Variants in MEIS2 observed in about 807,000 individuals in gnomAD.
The protein encoded by MEIS2 is homeobox protein Meis2.
In MEIS2, 9 loss-of-function variants were observed where a neutral mutation model predicts 58.6. That is an observed-to-expected ratio of 0.15 (90% CI 0.09 to 0.27). The LOEUF is 0.27. Ranked by LOEUF, MEIS2 falls within the 10% of genes least tolerant of loss-of-function variation. The probability of loss-of-function intolerance (pLI) is 1.00; values close to 1 mark genes in which losing one functional copy is unlikely to be tolerated. For missense variants in MEIS2, 427 were observed against 635.0 expected (o/e 0.67, Z 3.52); for synonymous variants, 221 against 228.4 (o/e 0.97, Z 0.29).
intron 9 of MEIS2, among the ~76,000 whole-genome samples, chr15:36,933,998 GT>G (rs2058073792): frequency 6.6e-6 from 1 of 151,944 alleles, no homozygotes; most frequent in Admixed American, 6.6e-5. Flanking sequence ...TAAAATATTT[GT>G]CAGCTATGCA....
At chr15:36,934,947 T>C (rs2058107617) in intron 9 of MEIS2, among the ~76,000 whole-genome samples, 1 of 152,184 alleles carries the variant, frequency 6.6e-6, no homozygotes, top group Non-Finnish European at 1.5e-5. Flanking sequence ...TCCTATTATA[T>C]AGTGTTCTAG....
chr15:36,930,298 G>A (rs1258063091), intron 9 of MEIS2, among the ~76,000 whole-genome samples: 2 of 151,134 alleles, frequency 1.3e-5, no homozygotes, highest in African/African-American at 4.9e-5. Flanking sequence ...ACAAGGAATG[G>A]TTATATAAAA....
At position 36,894,705 on chromosome 15, in the gene MEIS2, G is replaced by A. The variant is rs1241472873; in HGVS notation, c.1147+446C>T. On this transcript the variant is annotated intron_variant, in intron 11 of 11. Coordinates refer to ENST00000561208, the MANE Select transcript of MEIS2 (RefSeq NM_170675.5). Reference sequence around the variant, plus strand: ...GTGATAGTGAAGACAGATCGCACCCGACTGTACTTACTTCCCCCTTGCTTT... The same window carrying A: ...GTGATAGTGAAGACAGATCGCACCCAACTGTACTTACTTCCCCCTTGCTTT... 13 of 1,590,672 alleles carry A rather than the reference G, an allele frequency of 8.2e-6. No individual in the cohort carries two copies. In the East Asian group the frequency reaches 1.6e-4, roughly 19 times the overall value.
chr15:36,892,507 T>G, intron 11 of MEIS2, 48 bp from the exon 12 acceptor site: 10 of 1,515,970 alleles, frequency 6.6e-6, no homozygotes, highest in Non-Finnish European at 8.1e-6. Flanking sequence ...CCTAAACATT[T>G]TTATACTTTA....
At chr15:37,009,329 G>C (rs1248082849) in intron 8 of MEIS2, among the ~76,000 whole-genome samples, 1 of 152,092 alleles carries the variant, frequency 6.6e-6, no homozygotes, top group East Asian at 1.9e-4. Context: ...ATGTCAACTT[G>C]AGCATAAACC....
At chr15:37,003,736 A>G (rs1490480100) in intron 8 of MEIS2, among the ~76,000 whole-genome samples, 1 of 152,196 alleles carries the variant, frequency 6.6e-6, no homozygotes, top group Non-Finnish European at 1.5e-5. Context: ...TCTAACCCCC[A>G]ATGTGAGGAT....
Position 37,036,958 on chromosome 15 carries a change from C to A in MEIS2, c.756G>T (p.Gly252=). 6.3e-7 allele frequency: 1 copy of A among 1,596,788 alleles called. No homozygotes were observed. ...SQSGDNSSEQ[G]DGLDNSVASP... is the part of the protein sequence containing the mutation. ...AAGCTACACTGTTGTCTAAACCATC[C>A]CCTAGTAGAAAGAAATAAAAATACA... is the stretch of plus-strand genomic sequence containing the variant. The change falls in exon 8 of 12, where the codon GGG becomes GGT. Residue 252 remains glycine (G), a splice_region_variant and synonymous_variant. Transcript: ENST00000561208.
intron 2 of MEIS2, among the ~76,000 whole-genome samples, chr15:37,097,573 A>T (rs1030105161): frequency 6.6e-5 from 10 of 152,282 alleles, no homozygotes; most frequent in African/African-American, 2.4e-4. Flanking sequence ...AGTAAAAAAT[A>T]AAAAAACCCA....
At chr15:37,012,526 T>G (rs2061200347) in intron 8 of MEIS2, among the ~76,000 whole-genome samples, 1 of 152,222 alleles carries the variant, frequency 6.6e-6, no homozygotes, top group African/African-American at 2.4e-5. Flanking sequence ...TGAATTTCAC[T>G]GAGAAAATGT....
intron 7 of MEIS2, among the ~76,000 whole-genome samples, chr15:37,079,520 T>C (rs1258373154): frequency 7.3e-6 from 1 of 137,714 alleles, no homozygotes; most frequent in East Asian, 2.2e-4. Context: ...CCTCTTTAAA[T>C]ATATAACTGG....
chr15:37,087,283 TC>T (rs1485070371), intron 6 of MEIS2, among the ~76,000 whole-genome samples: 1 of 152,138 alleles, frequency 6.6e-6, no homozygotes, highest in Admixed American at 6.5e-5. Flanking sequence ...ATGGTACTCT[TC>T]TTGCTCTTAC....
chr15:36,903,991 G>C (rs1228369215), intron 9 of MEIS2: 1 of 152,252 alleles, frequency 6.6e-6, no homozygotes, highest in Non-Finnish European at 1.5e-5. Context: ...CTGCTCAGAA[G>C]AAGATGTAGG....
chr15:37,071,438 T>C (rs978194223), intron 7 of MEIS2, among the ~76,000 whole-genome samples: 3 of 152,064 alleles, frequency 2.0e-5, no homozygotes, highest in Non-Finnish European at 4.4e-5. Context: ...ATAACTTCTC[T>C]TTTCCAGGGA....
At chr15:37,082,611 T>G (rs950487809) in intron 7 of MEIS2, among the ~76,000 whole-genome samples, 1 of 152,184 alleles carries the variant, frequency 6.6e-6, no homozygotes, top group Non-Finnish European at 1.5e-5. Flanking sequence ...TAAAACAGTA[T>G]ATATTATATA....
chr15:37,060,165 T>C (rs1013332533), intron 7 of MEIS2, among the ~76,000 whole-genome samples: 5 of 152,134 alleles, frequency 3.3e-5, no homozygotes, highest in Admixed American at 2.6e-4. Context: ...AGTCTTGAAC[T>C]CCTGGCCTCA....
At chr15:36,986,502 C>A (rs1225576526) in intron 8 of MEIS2, among the ~76,000 whole-genome samples, 1 of 152,252 alleles carries the variant, frequency 6.6e-6, no homozygotes, top group Non-Finnish European at 1.5e-5. Context: ...GGCAGCTACA[C>A]AGTTGGTTCC....
In MEIS2 at chr15:37,100,285, C is replaced by T. The variant is rs1387694617; in HGVS notation, c.-819G>A. 6.6e-6 allele frequency: 1 copy of T among 151,816 alleles called. No individual in the cohort carries two copies. Among genetic ancestry groups the T allele is most frequent in the Non-Finnish European group, 1.5e-5 (1 of 68,002 alleles). The allele number at this position is 151,816 out of a possible 1,614,324, so 9.4% of individuals were successfully genotyped here. On this transcript the variant is annotated 5_prime_UTR_variant, in exon 1 of 12. Coordinates refer to ENST00000561208, the MANE Select transcript of MEIS2 (RefSeq NM_170675.5). Reference sequence around the variant, plus strand: ...GCTCGCTCGCTCGCTCTCACTCGCGCTCGCTCTCTCGCGCTCGCTCTCTCT... The same window carrying T: ...GCTCGCTCGCTCGCTCTCACTCGCGTTCGCTCTCTCGCGCTCGCTCTCTCT...
chr15:37,051,597 G>C (rs1478997508), intron 7 of MEIS2, among the ~76,000 whole-genome samples: 3 of 151,974 alleles, frequency 2.0e-5, no homozygotes, highest in Non-Finnish European at 4.4e-5. Flanking sequence ...ACTTTAAATG[G>C]GTGCAATTTT....
rs759480559 is a variant in MEIS2, at chr15:36,892,132, A to G, written c.*41T>C. The G allele has an allele frequency of 2.5e-6, 4 of 1,598,540 alleles. No individual in the cohort carries two copies. The highest frequency in any genetic ancestry group is 2.6e-6 in the Non-Finnish European group (3 of 1,167,568). ...GTCAAAGTTCAGAAAGTCTTAAAAT[A>G]GTTTTTGCGTGTGTTTCCTTTTCCC... On this transcript the variant is annotated 3_prime_UTR_variant, in exon 12 of 12. Transcript: ENST00000561208.
Sources: gnomAD v4.1 joint callset for allele counts (sites outside exome capture counted in the v4.1 genomes callset) on GRCh38, gnomAD v4.1.1 for gene constraint, MANE v1.5 for transcripts, NCBI Gene and HGNC (gene_info 2026-07-23, HGNC 2026-07-21) for gene names.